RARB: variants seen among roughly 807,000 people sequenced by gnomAD.
RARB encodes retinoic acid receptor beta.
A neutral mutation model predicts 51.9 loss-of-function variants in RARB; 17 were observed. The observed-to-expected ratio is 0.33, with a 90% confidence interval of 0.22 to 0.49. The LOEUF (loss-of-function observed/expected upper bound fraction) is 0.49. Ranked by LOEUF, RARB falls within the 20% of genes least tolerant of loss-of-function variation. The pLI is 0.99. For missense variants in RARB, 369 were observed against 550.8 expected (o/e 0.67, Z 3.30); for synonymous variants, 215 against 195.4 (o/e 1.10, Z -0.84).
chr3:25,284,101 C>T (rs1450062009), intron 5 of RARB, among the ~76,000 whole-genome samples: 1 of 152,180 alleles, frequency 6.6e-6, no homozygotes, highest in African/African-American at 2.4e-5. Context: ...AAGTAAACTG[C>T]CATGCTGGAG....
intron 5 of RARB, among the ~76,000 whole-genome samples, chr3:25,412,817 T>C (rs4681023): frequency 0.86 from 130,937 of 152,082 alleles, 56,903 homozygotes; most frequent in East Asian, 1. Context: ...GTTGGGAGTT[T>C]GAGACCAGCC....
chr3:25,308,742 C>T (rs1304956198), intron 5 of RARB, among the ~76,000 whole-genome samples: 2 of 152,150 alleles, frequency 1.3e-5, no homozygotes, highest in Non-Finnish European at 2.9e-5. Flanking sequence ...GCCATTGCAC[C>T]CAGCCTCCGT....
At chr3:25,188,556 T>A (rs1701027896) in intron 5 of RARB, among the ~76,000 whole-genome samples, 2 of 152,146 alleles carry the variant, frequency 1.3e-5, no homozygotes, top group Non-Finnish European at 2.9e-5. Context: ...CAAGGAGGTA[T>A]TTTGGAGTAG....
intron 3 of RARB, among the ~76,000 whole-genome samples, chr3:25,525,129 A>G (rs1160848193): frequency 6.6e-6 from 1 of 152,246 alleles, no homozygotes; most frequent in Non-Finnish European, 1.5e-5. Flanking sequence ...AACATTATAA[A>G]GTGTTCTGAC....
chr3:25,031,248 A>G (rs1364036469), intron 2 of RARB, among the ~76,000 whole-genome samples: 1 of 152,124 alleles, frequency 6.6e-6, no homozygotes, highest in East Asian at 1.9e-4. Flanking sequence ...CCCTCTCCCC[A>G]TACACCCATA....
intron 2 of RARB, among the ~76,000 whole-genome samples, chr3:24,955,658 A>T (rs1695998449): frequency 6.6e-6 from 1 of 152,184 alleles, no homozygotes. Context: ...GAAAATGATT[A>T]CCCTAATGTG....
At chr3:25,494,935 G>T (rs1696948606) in intron 2 of RARB, among the ~76,000 whole-genome samples, 1 of 152,194 alleles carries the variant, frequency 6.6e-6, no homozygotes, top group South Asian at 2.1e-4. Flanking sequence ...CTAACACTTT[G>T]CATGCATTCC....
intron 3 of RARB, among the ~76,000 whole-genome samples, chr3:25,536,651 G>T (rs1297903247): frequency 1.3e-5 from 2 of 152,182 alleles, no homozygotes; most frequent in Admixed American, 6.5e-5. Flanking sequence ...GGGGGGATTC[G>T]TTTGTTACAG....
chr3:24,865,541 C>T (rs1000155950), intron 2 of RARB, among the ~76,000 whole-genome samples: 4 of 152,120 alleles, frequency 2.6e-5, no homozygotes, highest in African/African-American at 9.7e-5. Flanking sequence ...CGAACCCAAG[C>T]AGTCTGGTTC....
chr3:24,919,263 T>G (rs1178672101), intron 2 of RARB, among the ~76,000 whole-genome samples: 1 of 152,220 alleles, frequency 6.6e-6, no homozygotes, highest in Non-Finnish European at 1.5e-5. Flanking sequence ...TGTACTTGTT[T>G]CCAAGATTTG....
chr3:25,023,638 G>A (rs873429), intron 2 of RARB, among the ~76,000 whole-genome samples: 20,812 of 152,106 alleles, frequency 0.14, 1,845 homozygotes, highest in Non-Finnish European at 0.2. Context: ...CTTGGGATGC[G>A]TCCTGCCACT....
At chr3:25,019,115 A>G (rs976390900) in intron 2 of RARB, among the ~76,000 whole-genome samples, 4 of 152,206 alleles carry the variant, frequency 2.6e-5, no homozygotes, top group Non-Finnish European at 4.4e-5. Flanking sequence ...CCTTTTCATT[A>G]TAGCCATAGA....
chr3:25,174,433 A>G (rs1700702312), exon 5 of RARB: 1 of 1,352,034 alleles, frequency 7.4e-7, no homozygotes, highest in African/African-American at 1.5e-5. Context: ...CGGTCCCAGC[A>G]GTGAACGGAC....
At chr3:25,020,209 C>G (rs1193867051) in intron 2 of RARB, 1 of 151,462 alleles carries the variant, frequency 6.6e-6, no homozygotes, top group Non-Finnish European at 1.5e-5. Context: ...AGGGCAGTGG[C>G]TTTTCACAGG....
intron 2 of RARB, among the ~76,000 whole-genome samples, chr3:24,890,924 C>A (rs537125623): frequency 4.2e-4 from 64 of 152,232 alleles, no homozygotes; most frequent in African/African-American, 1.5e-3. Context: ...TTAAGGCTTT[C>A]TTTCTTCTCC....
intron 5 of RARB, among the ~76,000 whole-genome samples, chr3:25,592,875 T>C (rs182176738): frequency 2.8e-3 from 420 of 152,348 alleles, no homozygotes; most frequent in Non-Finnish European, 4.6e-3. Flanking sequence ...CTCATGTCCC[T>C]TGTATTACAG....
chr3:25,557,744 T>A (rs913922432), intron 3 of RARB, among the ~76,000 whole-genome samples: 11 of 152,106 alleles, frequency 7.2e-5, no homozygotes, highest in African/African-American at 2.4e-4. Flanking sequence ...CCATGAACAG[T>A]GACTCGTCTA....
At chr3:25,438,167 A>G (rs1180856058) in intron 1 of RARB, among the ~76,000 whole-genome samples, 4 of 152,286 alleles carry the variant, frequency 2.6e-5, no homozygotes, top group Middle Eastern at 6.8e-3. Flanking sequence ...TGACTTGTGC[A>G]TGTCACAGCA....
intron 2 of RARB, among the ~76,000 whole-genome samples, chr3:25,007,592 CAAA>C (rs759589176): frequency 2.2e-5 from 1 of 45,418 alleles, no homozygotes; most frequent in Non-Finnish European, 3.7e-5. Context: ...GAGACTGTCT[CAAA>C]AAAAAAAAAC....
Sources: allele counts gnomAD v4.1 joint callset (sites outside exome capture counted in the v4.1 genomes callset), GRCh38; gene constraint gnomAD v4.1.1; transcripts MANE v1.5; gene names NCBI Gene and HGNC (gene_info 2026-07-23, HGNC 2026-07-21).